Variants in TPTE2 observed in about 807,000 individuals in gnomAD.
TPTE2 encodes the protein phosphatidylinositol 3,4,5-trisphosphate 3-phosphatase TPTE2.
Under a neutral mutation model 78.6 loss-of-function variants are expected in TPTE2, and 53 were observed. The observed-to-expected ratio is 0.67, with a 90% CI of 0.54 to 0.85. The LOEUF is 0.85. Ranked by LOEUF, TPTE2 falls within the 40% of genes least tolerant of loss-of-function variation. The probability of loss-of-function intolerance (pLI) is 0.00; values close to 1 mark genes in which losing one functional copy is unlikely to be tolerated. For missense variants in TPTE2, 461 were observed against 623.0 expected (o/e 0.74, Z 2.77); for synonymous variants, 175 against 206.2 (o/e 0.85, Z 1.30).
intron 7 of TPTE2, among the ~76,000 whole-genome samples, chr13:19,465,991 C>A (rs972384602): frequency 6.6e-6 from 1 of 152,134 alleles, no homozygotes; most frequent in Non-Finnish European, 1.5e-5. Flanking sequence ...CAAAACAAAT[C>A]GATTATTCTT....
the TPTE2 span, among the ~76,000 whole-genome samples, chr13:19,542,601 T>G: frequency 1.3e-5 from 2 of 152,200 alleles, no homozygotes. Context: ...GTGTAAATAT[T>G]CCATTTCTAA....
chr13:19,487,485 G>A (rs1880730545), intron 3 of TPTE2, among the ~76,000 whole-genome samples: 1 of 152,070 alleles, frequency 6.6e-6, no homozygotes, highest in Non-Finnish European at 1.5e-5. Flanking sequence ...AGAGGCTTAG[G>A]GGCCTCTCCC....
chr13:19,556,366 G>C, the TPTE2 span, among the ~76,000 whole-genome samples: 1 of 152,170 alleles, frequency 6.6e-6, no homozygotes, highest in Admixed American at 6.5e-5. Flanking sequence ...ATAACTAGTT[G>C]CTATGATCTG....
chr13:19,423,966 A>C (rs140094788), intron 19 of TPTE2, among the ~76,000 whole-genome samples: 1 of 152,360 alleles, frequency 6.6e-6, no homozygotes, highest in East Asian at 1.9e-4. Context: ...CATCTAAAAA[A>C]AATACTTGTA....
the TPTE2 span, among the ~76,000 whole-genome samples, chr13:19,556,106 C>T: frequency 6.6e-6 from 1 of 152,186 alleles, no homozygotes; most frequent in East Asian, 1.9e-4. Context: ...AGCCACTGCG[C>T]CCGGCCAACA....
At chr13:19,446,804 G>A (rs1441852519) in intron 13 of TPTE2, among the ~76,000 whole-genome samples, 1 of 152,102 alleles carries the variant, frequency 6.6e-6, no homozygotes, top group Non-Finnish European at 1.5e-5. Flanking sequence ...AGCCAGGCAT[G>A]GTGATGCTCA....
chr13:19,558,066 C>T, the TPTE2 span, among the ~76,000 whole-genome samples: 1 of 152,048 alleles, frequency 6.6e-6, no homozygotes, highest in Non-Finnish European at 1.5e-5. Context: ...GAAATATTAT[C>T]AATTGGTCCA....
intron 10 of TPTE2, among the ~76,000 whole-genome samples, chr13:19,459,787 G>A (rs1196463399): frequency 2.0e-5 from 3 of 152,200 alleles, no homozygotes; most frequent in Admixed American, 6.5e-5. Context: ...AGCCAGCTGT[G>A]CTGTGTTGTG....
chr13:19,433,910 G>A (rs766382987), intron 15 of TPTE2, among the ~76,000 whole-genome samples: 2 of 152,178 alleles, frequency 1.3e-5, no homozygotes, highest in Non-Finnish European at 1.5e-5. Flanking sequence ...GAGATGTGTG[G>A]GGACAGTTGT....
At chr13:19,426,990 C>T (rs561779942) in intron 17 of TPTE2, among the ~76,000 whole-genome samples, 1 of 151,842 alleles carries the variant, frequency 6.6e-6, no homozygotes, top group African/African-American at 2.4e-5. Flanking sequence ...AGGCATGAGC[C>T]ACTGCACCCG....
intron 3 of TPTE2, among the ~76,000 whole-genome samples, chr13:19,483,084 A>T (rs1249142847): frequency 6.6e-6 from 1 of 152,222 alleles, no homozygotes; most frequent in Non-Finnish European, 1.5e-5. Flanking sequence ...AAAAATGCTA[A>T]TGATCACCTA....
At chr13:19,561,325 G>GCCAC in the TPTE2 span, 469 of 709,406 alleles carry the variant, frequency 6.6e-4, 6 homozygotes, top group East Asian at 0.012. Flanking sequence ...CACGGCGGGG[G>GCCAC]CCGCTCCACC....
At chr13:19,534,393 T>C (rs1871080616) in intron 1 of TPTE2, among the ~76,000 whole-genome samples, 1 of 152,222 alleles carries the variant, frequency 6.6e-6, no homozygotes, top group Non-Finnish European at 1.5e-5. Context: ...TTGGGGGCAC[T>C]ATGCCAGATA....
At chr13:19,548,796 C>T in the TPTE2 span, among the ~76,000 whole-genome samples, 4 of 151,822 alleles carry the variant, frequency 2.6e-5, no homozygotes, top group African/African-American at 9.7e-5. Flanking sequence ...TAGACAACAG[C>T]CCAGGCAAGG....
chr13:19,558,380 T>C, the TPTE2 span, among the ~76,000 whole-genome samples: 484 of 152,352 alleles, frequency 3.2e-3, 8 homozygotes, highest in Non-Finnish European at 3.0e-3. Flanking sequence ...AAGGCATGAA[T>C]TGTTTACTTT....
intron 19 of TPTE2, among the ~76,000 whole-genome samples, chr13:19,423,968 AT>A (rs980326392): frequency 1.3e-5 from 2 of 152,234 alleles, no homozygotes; most frequent in African/African-American, 4.8e-5. Flanking sequence ...TCTAAAAAAA[AT>A]ACTTGTAAAA....
chr13:19,534,942 C>A (rs550681055), intron 1 of TPTE2, among the ~76,000 whole-genome samples: 1 of 152,242 alleles, frequency 6.6e-6, no homozygotes, highest in Admixed American at 6.5e-5. Context: ...GTGGCTCATG[C>A]CTGCAATCTC....
intron 17 of TPTE2, 65 bp downstream of exon 20, chr13:19,430,403 T>A: frequency 1.7e-6 from 2 of 1,208,918 alleles, no homozygotes; most frequent in Non-Finnish European, 2.4e-6. Context: ...AGGTGAACAT[T>A]GCTGGTTTGA....
chr13:19,515,620 A>G (rs9508294), intron 1 of TPTE2, among the ~76,000 whole-genome samples: 92,201 of 152,062 alleles, frequency 0.61, 32,862 homozygotes, highest in East Asian at 0.89. Flanking sequence ...TCCAGGTCTC[A>G]GGAAAAACAA....
Sources: gnomAD v4.1 joint callset for allele counts (sites outside exome capture counted in the v4.1 genomes callset) on GRCh38, gnomAD v4.1.1 for gene constraint, MANE v1.5 for transcripts, NCBI Gene and HGNC (gene_info 2026-07-23, HGNC 2026-07-21) for gene names.